GAREM1: variants seen among roughly 807,000 people sequenced by gnomAD.
GAREM1 encodes the protein GRB2-associated and regulator of MAPK protein 1.
GAREM1 carries 26 observed loss-of-function variants against 71.3 expected under a neutral mutation model. That is an observed-to-expected ratio of 0.36 (90% confidence interval 0.27 to 0.51). GAREM1 has a LOEUF of 0.51. Ranked by LOEUF, GAREM1 falls within the 20% of genes least tolerant of loss-of-function variation. The pLI, the probability that GAREM1 is intolerant of heterozygous loss-of-function variation, is 0.95. For missense variants in GAREM1, 1,026 were observed against 1,103.1 expected, an observed-to-expected ratio of 0.93 and a Z score of 0.99; for synonymous variants, 440 against 433.2, an observed-to-expected ratio of 1.02 and a Z score of -0.20.
intron 3 of GAREM1, among the ~76,000 whole-genome samples, chr18:32,309,724 T>C (rs1006527133): frequency 6.8e-6 from 1 of 147,586 alleles, no homozygotes; most frequent in Non-Finnish European, 1.5e-5. Flanking sequence ...TATAGTGAAA[T>C]AGATAGTCCA....
intron 2 of GAREM1, among the ~76,000 whole-genome samples, chr18:32,385,608 C>T (rs1186454966): frequency 6.6e-6 from 1 of 152,138 alleles, no homozygotes; most frequent in East Asian, 1.9e-4. Context: ...AGTCAGAATA[C>T]AAGTAGGGAG....
chr18:32,419,060 T>A (rs916599134), intron 1 of GAREM1, among the ~76,000 whole-genome samples: 2 of 152,206 alleles, frequency 1.3e-5, no homozygotes, highest in African/African-American at 4.8e-5. Context: ...CAGTTGCAGT[T>A]GTTAAGACTG....
At position 32,287,669 on chromosome 18, in the gene GAREM1, C is replaced by G. The variant is rs751882903; in HGVS notation, c.928G>C (p.Glu310Gln). Residue 310 changes from glutamate (E) to glutamine (Q), a missense_variant, in exon 4 of 6, where the codon GAA (glutamate) becomes CAA (glutamine). Coordinates refer to ENST00000269209, the MANE Select transcript of GAREM1 (RefSeq NM_001242409.2). This position sits in a 1 kb window ranked among gnomAD's most constrained non-coding sequence, Gnocchi z 5.9. ...HLTVPKFSLP[E>Q]HLVKGESWPE... ...CAGCTCTCTCCCTTCACCAGGTGTTCTGGGAGGCTGAACTTGGGGACAGTC... is the reference window on the plus strand; with the variant it reads ...CAGCTCTCTCCCTTCACCAGGTGTTGTGGGAGGCTGAACTTGGGGACAGTC... 6.2e-7 allele frequency: 1 copy of G among 1,614,158 alleles called. No homozygotes were observed. Among genetic ancestry groups the G allele is most frequent in the South Asian group, 1.1e-5 (1 of 91,078 alleles).
At chr18:32,283,433 G>C (rs1047320279) in intron 4 of GAREM1, among the ~76,000 whole-genome samples, 13 of 152,202 alleles carry the variant, frequency 8.5e-5, no homozygotes, top group South Asian at 2.1e-4. Flanking sequence ...TGTAATCCCA[G>C]CTTCTCGGGA....
In GAREM1 at chr18:32,354,867, G is replaced by A. The variant is rs2047789207; in HGVS notation, c.262+38028C>T. Among the ~76,000 whole-genome samples the A allele has an allele frequency of 1.3e-5, 2 of 152,190 alleles. 1 individual carries two copies. The highest frequency in any genetic ancestry group is 3.9e-4 in the East Asian group (2 of 5,194). On this transcript the variant is annotated intron_variant, in intron 2 of 5. Coordinates refer to ENST00000269209, the MANE Select transcript of GAREM1 (RefSeq NM_001242409.2). ...TCAGAAGCAGTGACGGTATTTGCCT[G>A]ATGGTAAATTTACCATGGAGACCAC... is the stretch of plus-strand genomic sequence containing the variant.
chr18:32,305,692 A>G (rs1351558555), intron 3 of GAREM1, among the ~76,000 whole-genome samples: 1 of 152,064 alleles, frequency 6.6e-6, no homozygotes, highest in African/African-American at 2.4e-5. Context: ...ACTAATTTTT[A>G]TATTTTTAGT....
intron 2 of GAREM1, among the ~76,000 whole-genome samples, chr18:32,391,742 A>G (rs1280066216): frequency 1.3e-5 from 2 of 152,156 alleles, no homozygotes; most frequent in Non-Finnish European, 2.9e-5. Context: ...TTCTACAAGT[A>G]TACATTTCTC....
chr18:32,346,802 G>A (rs7226639), intron 2 of GAREM1, among the ~76,000 whole-genome samples: 19,822 of 152,178 alleles, frequency 0.13, 1,620 homozygotes, highest in African/African-American at 0.23. Flanking sequence ...ACCTAACGTT[G>A]AAAGAATGTT....
At chr18:32,394,114 T>C (rs1437116545) in intron 1 of GAREM1, among the ~76,000 whole-genome samples, 1 of 152,180 alleles carries the variant, frequency 6.6e-6, no homozygotes, top group Non-Finnish European at 1.5e-5. Context: ...GCAACAATCT[T>C]TAAAACAGTC....
In GAREM1 at chr18:32,287,944, C is replaced by G; in HGVS notation, c.653G>C (p.Arg218Thr). ...SISLPFQCKG[R>T]FSTRSPLELQ... is the part of the protein sequence containing the mutation. ...TTCCAGGGGACTTCGGGTGCTAAAT[C>G]TGCCCTTGCACTGGAATGGAAGGCT... The change falls in exon 4 of 6, where the codon AGA becomes ACA. Residue 218 changes from arginine (R) to threonine (T), a missense_variant. Around this residue, in one of 3 missense-constraint regions of GAREM1, gnomAD observed 218 missense variants for 296.8 expected, o/e 0.73. Coordinates refer to ENST00000269209, the MANE Select transcript of GAREM1 (RefSeq NM_001242409.2). The surrounding 1 kb of genome is among the most constrained non-coding windows in gnomAD (Gnocchi z 5.9). 6.2e-7 allele frequency: 1 copy of G among 1,614,114 alleles called. No homozygotes were observed. The highest frequency in any genetic ancestry group is 2.2e-5 in the East Asian group (1 of 44,878).
At position 32,442,474 on chromosome 18, in the gene GAREM1, A is replaced by C. The variant is rs115891337; in HGVS notation, c.121+27834T>G. On this transcript the variant is annotated intron_variant, in intron 1 of 5. Transcript: ENST00000269209. The stretch of plus-strand genomic sequence containing the variant: ...AATTTAAAACATGCTATTTATAAAA[A>C]GAGCAGTATCACCAAATGCTAAATT... Among the ~76,000 whole-genome samples the C allele has an allele frequency of 2.3e-3, 351 of 152,324 alleles. 3 individuals are homozygous for C. Among genetic ancestry groups the C allele is most frequent in the African/African-American group, 8.1e-3 (338 of 41,594 alleles).
At chr18:32,449,915 A>G (rs568033607) in intron 1 of GAREM1, among the ~76,000 whole-genome samples, 2 of 152,278 alleles carry the variant, frequency 1.3e-5, no homozygotes, top group African/African-American at 4.8e-5. Flanking sequence ...TAAAAGGTGA[A>G]TAATTTAGGT....
rs1211759835 is a variant in GAREM1, at chr18:32,470,747, T to C, written c.-319A>G. Among the ~76,000 whole-genome samples, 1 of 149,390 alleles carries C rather than the reference T, an allele frequency of 6.7e-6. No homozygotes were observed. Among genetic ancestry groups the C allele is most frequent in the Non-Finnish European group, 1.5e-5 (1 of 66,932 alleles). On this transcript the variant is annotated 5_prime_UTR_variant, in exon 1 of 6. Coordinates refer to ENST00000269209, the MANE Select transcript of GAREM1 (RefSeq NM_001242409.2). The surrounding 1 kb of genome is among the most constrained non-coding windows in gnomAD (Gnocchi z 4.4). The stretch of plus-strand genomic sequence containing the variant: ...CGGCGGCTCCCGCTCCGCCTCCTCC[T>C]CTGGCCCTGGGTCTGCAGCTGCGGC...
chr18:32,399,704 T>A (rs1346370628), intron 1 of GAREM1, among the ~76,000 whole-genome samples: 1 of 152,212 alleles, frequency 6.6e-6, no homozygotes, highest in Non-Finnish European at 1.5e-5. Flanking sequence ...CATTCCATGC[T>A]CATGGATAGG....
At chr18:32,278,668 T>C (rs1264110332) in intron 4 of GAREM1, among the ~76,000 whole-genome samples, 1 of 152,228 alleles carries the variant, frequency 6.6e-6, no homozygotes, top group Non-Finnish European at 1.5e-5. Context: ...AACAAAATCA[T>C]TACAGCCGTT....
At chr18:32,334,305 C>T (rs2047567511) in intron 2 of GAREM1, among the ~76,000 whole-genome samples, 1 of 152,058 alleles carries the variant, frequency 6.6e-6, no homozygotes, top group South Asian at 2.1e-4. Context: ...ATTCTACCGG[C>T]AACAGCTTTA....
chr18:32,379,006 T>A (rs75991974), intron 2 of GAREM1, among the ~76,000 whole-genome samples: 14,424 of 152,198 alleles, frequency 0.095, 721 homozygotes, highest in Non-Finnish European at 0.12. Flanking sequence ...TGAGGCAGGC[T>A]GTACGTTGAG....
chr18:32,398,799 C>G (rs1236360769), intron 1 of GAREM1, among the ~76,000 whole-genome samples: 1 of 152,142 alleles, frequency 6.6e-6, no homozygotes, highest in Non-Finnish European at 1.5e-5. Context: ...AAGAGGGAAT[C>G]CTCCCTAACT....
chr18:32,441,340 C>T (rs2048735082), intron 1 of GAREM1, among the ~76,000 whole-genome samples: 1 of 151,248 alleles, frequency 6.6e-6, no homozygotes, highest in South Asian at 2.1e-4. Flanking sequence ...AAAATGGGAA[C>T]AGCAACAGTA....
Sources: gnomAD v4.1 joint callset for allele counts (sites outside exome capture counted in the v4.1 genomes callset) on GRCh38, gnomAD v4.1.1 for gene constraint, gnomAD v4.1.1 regional missense constraint, Gnocchi (gnomAD v3.1) non-coding constraint, MANE v1.5 for transcripts, NCBI Gene and HGNC (gene_info 2026-07-23, HGNC 2026-07-21) for gene names.